NEK1: variants seen among roughly 807,000 people sequenced by gnomAD.
NEK1 encodes the protein serine/threonine-protein kinase Nek1.
NEK1 carries 137 observed loss-of-function variants against 182.1 expected under a neutral mutation model. The ratio of observed to expected loss-of-function variants is 0.75; its 90% CI spans 0.65 to 0.87. NEK1 has a LOEUF of 0.87. Ranked by LOEUF, NEK1 falls within the 40% of genes least tolerant of loss-of-function variation. NEK1 has a pLI of 0.00. For missense variants in NEK1, 1,391 were observed against 1,494.4 expected (o/e 0.93, Z 1.14); for synonymous variants, 513 against 492.2 (o/e 1.04, Z -0.56).
At chr4:169,435,388 G>A (rs368071673) in intron 28 of NEK1, among the ~76,000 whole-genome samples, 1 of 152,134 alleles carries the variant, frequency 6.6e-6, no homozygotes, top group South Asian at 2.1e-4. Context: ...TTTTTTTGGG[G>A]GGTAGGGAGG....
At position 169,482,695 on chromosome 4, in the gene NEK1, G is replaced by A. The variant is rs970872424; in HGVS notation, c.2008-3161C>T. On this transcript the variant is annotated intron_variant, in intron 23 of 35. Coordinates refer to ENST00000507142, the MANE Select transcript of NEK1 (RefSeq NM_001199397.3). ...GTCGCCCAGGCTGGAGTGCAATGGG[G>A]TGCAATGGCTCAGTGAAACCTCCGC... 3.3e-5 allele frequency among the ~76,000 whole-genome samples: 5 copies of A among 151,808 alleles called. No individual in the cohort carries two copies. The East Asian group carries it at 9.6e-4, about 29-fold the overall frequency.
chr4:169,574,539 G>A (rs1392630825), intron 12 of NEK1, among the ~76,000 whole-genome samples: 3 of 151,864 alleles, frequency 2.0e-5, no homozygotes, highest in Non-Finnish European at 4.4e-5. Flanking sequence ...CCCGCGAGGC[G>A]GAGCTTGCAA....
At chr4:169,511,911 A>C (rs1481942885) in intron 19 of NEK1, among the ~76,000 whole-genome samples, 4 of 152,176 alleles carry the variant, frequency 2.6e-5, no homozygotes, top group Non-Finnish European at 4.4e-5. Context: ...TATATGGTCC[A>C]TCTATGGTAT....
At chr4:169,429,407 C>T (rs985329354) in intron 29 of NEK1, among the ~76,000 whole-genome samples, 3 of 151,998 alleles carry the variant, frequency 2.0e-5, no homozygotes, top group Non-Finnish European at 4.4e-5. Flanking sequence ...ACATTTAAAA[C>T]GTTAAAAAAA....
chr4:169,395,979 C>T (rs1203846021), intron 35 of NEK1, among the ~76,000 whole-genome samples: 1 of 152,184 alleles, frequency 6.6e-6, no homozygotes, highest in African/African-American at 2.4e-5. Flanking sequence ...TTAATTCATT[C>T]ATTTTAGCCG....
chr4:169,568,644 T>C (rs1238102421), intron 12 of NEK1, among the ~76,000 whole-genome samples: 1 of 152,018 alleles, frequency 6.6e-6, no homozygotes, highest in African/African-American at 2.4e-5. Flanking sequence ...TATTTGAATA[T>C]AAATAGGAAG....
intron 23 of NEK1, among the ~76,000 whole-genome samples, chr4:169,496,197 C>G (rs1310049797): frequency 2.0e-5 from 3 of 152,086 alleles, no homozygotes; most frequent in Non-Finnish European, 4.4e-5. Context: ...TGATTTGGCT[C>G]TCTGTTTGTC....
intron 30 of NEK1, among the ~76,000 whole-genome samples, chr4:169,425,902 A>G (rs1736308567): frequency 6.6e-6 from 1 of 152,200 alleles, no homozygotes; most frequent in Admixed American, 6.5e-5. Context: ...AGCTTTGGCA[A>G]GTAATTCTTT....
At chr4:169,424,428 T>A in intron 31 of NEK1, 125 bp downstream of exon 31, 1 of 1,139,636 alleles carries the variant, frequency 8.8e-7, no homozygotes, top group South Asian at 2.5e-5. Context: ...AAGATGGAGG[T>A]TTTTGTTGGA....
intron 28 of NEK1, among the ~76,000 whole-genome samples, chr4:169,435,015 C>T (rs868597030): frequency 2.0e-5 from 3 of 152,158 alleles, no homozygotes; most frequent in Non-Finnish European, 4.4e-5. Flanking sequence ...CATAGTATGC[C>T]TAACACTATT....
At chr4:169,600,248 G>A (rs1324522855) in intron 4 of NEK1, among the ~76,000 whole-genome samples, 2 of 151,910 alleles carry the variant, frequency 1.3e-5, no homozygotes, top group Non-Finnish European at 2.9e-5. Context: ...AGAGTGCAAT[G>A]GCACGATGAT....
At chr4:169,553,220 G>A (rs1427627024) in intron 18 of NEK1, among the ~76,000 whole-genome samples, 1 of 152,120 alleles carries the variant, frequency 6.6e-6, no homozygotes, top group East Asian at 1.9e-4. Flanking sequence ...AAAATCCTTT[G>A]TCAACCAATC....
Position 169,555,715 on chromosome 4 carries a change from C to A in NEK1, c.1562+5G>T. 6.2e-7 allele frequency: 1 copy of A among 1,613,748 alleles called. No homozygotes were observed. ...GGATGAATTCATGGATCATCACAGT[C>A]CAACCTGTTTGCATTGGCTTGTTTA... is the stretch of plus-strand genomic sequence containing the variant. On this transcript the variant is annotated splice_donor_5th_base_variant and intron_variant, in intron 18 of 35. Coordinates refer to ENST00000507142, the MANE Select transcript of NEK1 (RefSeq NM_001199397.3).
intron 10 of NEK1, among the ~76,000 whole-genome samples, chr4:169,583,402 C>G (rs1430210985): frequency 6.6e-6 from 1 of 151,870 alleles, no homozygotes; most frequent in Non-Finnish European, 1.5e-5. Context: ...ATCTGAGAAA[C>G]AGCAGATAAA....
intron 31 of NEK1, among the ~76,000 whole-genome samples, chr4:169,424,210 CTCTG>C (rs1230870271): frequency 3.3e-5 from 5 of 152,038 alleles, no homozygotes; most frequent in Non-Finnish European, 7.4e-5. Flanking sequence ...AATATAGCAC[CTCTG>C]TCTATTTAAG....
chr4:169,503,227 A>G (rs746795394), intron 23 of NEK1, among the ~76,000 whole-genome samples: 7 of 152,184 alleles, frequency 4.6e-5, no homozygotes, highest in Non-Finnish European at 7.4e-5. Flanking sequence ...AAAATCATAG[A>G]TGACATAAAC....
At chr4:169,606,820 C>T (rs150941077) in intron 2 of NEK1, among the ~76,000 whole-genome samples, 22 of 152,266 alleles carry the variant, frequency 1.4e-4, no homozygotes, top group African/African-American at 4.1e-4. Flanking sequence ...AAAACCTGAA[C>T]AAAATATATA....
At chr4:169,400,410 C>T in intron 34 of NEK1, 53 bp from the exon 35 acceptor site, 1 of 1,437,642 alleles carries the variant, frequency 7.0e-7, no homozygotes, top group Non-Finnish European at 9.3e-7. Flanking sequence ...TCTGTAATTG[C>T]AGACTTCACT....
At chr4:169,593,060 T>G (rs1371324236) in intron 5 of NEK1, among the ~76,000 whole-genome samples, 1 of 152,102 alleles carries the variant, frequency 6.6e-6, no homozygotes, top group Non-Finnish European at 1.5e-5. Context: ...GTTCTTCTAT[T>G]ACCATATTTC....
Sources: allele counts gnomAD v4.1 joint callset (sites outside exome capture counted in the v4.1 genomes callset), GRCh38; gene constraint gnomAD v4.1.1; transcripts MANE v1.5; gene names NCBI Gene and HGNC (gene_info 2026-07-23, HGNC 2026-07-21).